The following NEK3 variants were observed in gnomAD, a reference collection of about 807,000 sequenced individuals.
NEK3 encodes the protein NIMA related kinase 3, also known as serine/threonine-protein kinase Nek3.
A neutral mutation model predicts 66.0 loss-of-function variants in NEK3; 54 were observed. The ratio of observed to expected loss-of-function variants is 0.82; its 90% CI spans 0.66 to 1.03. The LOEUF is 1.03. Ranked by LOEUF, NEK3 falls within the 50% of genes least tolerant of loss-of-function variation. The probability of loss-of-function intolerance (pLI) is 0.00; values close to 1 mark genes in which losing one functional copy is unlikely to be tolerated. For synonymous variants in NEK3, 200 were observed against 206.2 expected (o/e 0.97, Z 0.26); for missense variants, 593 against 603.0 (o/e 0.98, Z 0.17).
At chr13:52,155,451 G>C (rs1187555336) in intron 2 of NEK3, among the ~76,000 whole-genome samples, 2 of 151,956 alleles carry the variant, frequency 1.3e-5, no homozygotes, top group Non-Finnish European at 2.9e-5. Context: ...GAGTTGCTCT[G>C]GCAAAGATTT....
Position 52,133,673 on chromosome 13 carries a change from G to C in NEK3, c.1436+16C>G. On this transcript the variant is annotated intron_variant, in intron 15 of 15. Transcript: ENST00000610828. ...CCCAACCCCAGCTACAGCTTTCTAT[G>C]CATATCACAACGTACGTGTCCTCCT... 1.3e-6 allele frequency: 2 copies of C among 1,548,198 alleles called. No individual in the cohort carries two copies. Among genetic ancestry groups the C allele is most frequent in the Non-Finnish European group, 1.7e-6 (2 of 1,145,806 alleles).
intron 8 of NEK3, among the ~76,000 whole-genome samples, chr13:52,146,756 TCTAA>T (rs373726015): frequency 1.3e-5 from 2 of 152,214 alleles, no homozygotes; most frequent in Admixed American, 1.3e-4. Context: ...CCCAAGTTGT[TCTAA>T]CTGTGTAGCT....
chr13:52,149,553 C>CT (rs1450470549), intron 7 of NEK3, among the ~76,000 whole-genome samples: 1 of 152,108 alleles, frequency 6.6e-6, no homozygotes, highest in Non-Finnish European at 1.5e-5. Flanking sequence ...TCTCCCTCCT[C>CT]TATATCTATC....
intron 11 of NEK3, among the ~76,000 whole-genome samples, chr13:52,138,928 G>C (rs1021929890): frequency 2.6e-5 from 4 of 152,024 alleles, no homozygotes; most frequent in Non-Finnish European, 5.9e-5. Context: ...GAGAGAGAGA[G>C]AGAAGGAGAG....
At chr13:52,143,205 A>G (rs543965000) in intron 10 of NEK3, among the ~76,000 whole-genome samples, 1 of 152,196 alleles carries the variant, frequency 6.6e-6, no homozygotes, top group South Asian at 2.1e-4. Flanking sequence ...AATCCTAGCT[A>G]CTTGGGAGGC....
intron 11 of NEK3, among the ~76,000 whole-genome samples, 166 bp downstream of exon 11, chr13:52,140,854 C>T (rs1186660074): frequency 6.6e-6 from 1 of 151,156 alleles, no homozygotes; most frequent in Non-Finnish European, 1.5e-5. Flanking sequence ...TCGCTCTTGT[C>T]GCCCAGGCTG....
At chr13:52,150,841 G>A (rs1268128802) in intron 7 of NEK3, among the ~76,000 whole-genome samples, 2 of 152,140 alleles carry the variant, frequency 1.3e-5, no homozygotes, top group African/African-American at 2.4e-5. Context: ...TTATAAGTGG[G>A]AGCAACAGTT....
intron 6 of NEK3, 43 bp downstream of exon 6, chr13:52,151,282 G>T (rs759946885): frequency 6.3e-7 from 1 of 1,594,402 alleles, no homozygotes; most frequent in Admixed American, 1.8e-5. Flanking sequence ...CCTGAAAATT[G>T]ATGTTTTGAT....
intron 8 of NEK3, among the ~76,000 whole-genome samples, chr13:52,146,253 T>G (rs1027915475): frequency 6.6e-6 from 1 of 152,180 alleles, no homozygotes; most frequent in Non-Finnish European, 1.5e-5. Flanking sequence ...TTAAAAGAAG[T>G]TTATTTTTTA....
chr13:52,139,595 C>T (rs1374964092), intron 11 of NEK3, among the ~76,000 whole-genome samples: 1 of 152,026 alleles, frequency 6.6e-6, no homozygotes, highest in Non-Finnish European at 1.5e-5. Flanking sequence ...TATATTCTAC[C>T]ACCATAAAAA....
At position 52,133,066 on chromosome 13, in the gene NEK3, G is replaced by A. The variant is rs894538480; in HGVS notation, c.*76C>T. The A allele has an allele frequency of 8.8e-7, 1 of 1,132,986 alleles. No homozygotes were observed. 70.2% of individuals were successfully genotyped at this position (1,132,986 alleles called of 1,614,324 possible). A position where few individuals can be genotyped will look rare whatever the true frequency, so the allele number is the denominator to read the frequency against. ...TTCCAAAGGAAAATATACGTCGCAT[G>A]AACTCATGATCATCTCAGCATGAAC... On this transcript the variant is annotated 3_prime_UTR_variant, in exon 16 of 16. Transcript: ENST00000610828.
chr13:52,153,965 T>C lies in NEK3; in HGVS notation c.239A>G (p.Glu80Gly). 1.9e-6 allele frequency: 3 copies of C among 1,613,002 alleles called. No homozygotes were observed. In the East Asian group the frequency reaches 6.7e-5, roughly 36 times the overall value. The change falls in exon 4 of 16, where the codon GAA becomes GGA. Residue 80 changes from glutamate to glycine, a missense_variant. Transcript: ENST00000610828. ...CATTAGATCCCCTCCATCACAGTAT[T>C]CCATCACAATATACAAGTGTCCTTC... is the stretch of plus-strand genomic sequence containing the variant. ...EAEGHLYIVM[E>G]YCDGGDLMQK...
chr13:52,133,341 A>C, intron 15 of NEK3, 115 bp from the exon 16 acceptor site: 1 of 886,036 alleles, frequency 1.1e-6, no homozygotes, highest in Non-Finnish European at 1.7e-6. Flanking sequence ...ATTGAGTTCC[A>C]TAAGGCAACT....
intron 15 of NEK3, 123 bp from the exon 16 acceptor site, chr13:52,133,349 ACTG>A: frequency 2.5e-6 from 2 of 804,072 alleles, no homozygotes; most frequent in Admixed American, 2.8e-5. Context: ...CCATAAGGCA[ACTG>A]AAGGGAAAAA....
intron 11 of NEK3, among the ~76,000 whole-genome samples, chr13:52,140,038 T>TA (rs1225135916): frequency 6.7e-4 from 37 of 55,436 alleles, no homozygotes; most frequent in African/African-American, 1.7e-3. Flanking sequence ...CCCATCTCTT[T>TA]AAAAAAATGC....
intron 8 of NEK3, among the ~76,000 whole-genome samples, chr13:52,145,407 G>T (rs557992820): frequency 6.6e-6 from 1 of 152,206 alleles, no homozygotes; most frequent in African/African-American, 2.4e-5. Flanking sequence ...GGGCTCAAGC[G>T]ATCCTCCCAC....
Position 52,133,154 on chromosome 13 carries a change from C to G in NEK3, c.1509G>C (p.Leu503=), listed in dbSNP as rs373034141. 5.6e-6 allele frequency: 9 copies of G among 1,609,676 alleles called. No individual in the cohort carries two copies. In the African/African-American group the frequency reaches 9.3e-5, roughly 17 times the overall value. The change falls in exon 16 of 16, where the codon CTG becomes CTC. Residue 503 remains leucine, a synonymous_variant. Coordinates refer to ENST00000610828, the MANE Select transcript of NEK3 (RefSeq NM_002498.3). ...ELKKRAGWQG[L]CDR Reference sequence around the variant, plus strand: ...ATTTCCTCAGGCATTATCTGTCGCACAGGCCTTGCCATCCAGCTCGCTTCT... The same window carrying G: ...ATTTCCTCAGGCATTATCTGTCGCAGAGGCCTTGCCATCCAGCTCGCTTCT...
chr13:52,145,551 G>A (rs373283212), intron 8 of NEK3, among the ~76,000 whole-genome samples: 2 of 151,988 alleles, frequency 1.3e-5, no homozygotes, highest in East Asian at 3.9e-4. Context: ...GGGCTCAAAC[G>A]ATCCTCCCAC....
intron 10 of NEK3, among the ~76,000 whole-genome samples, chr13:52,142,325 G>C (rs933878421): frequency 2.7e-5 from 4 of 150,470 alleles, no homozygotes; most frequent in African/African-American, 9.8e-5. Context: ...TGCCCAGGCT[G>C]GAGTGCAGTG....
Sources: gnomAD v4.1 joint callset for allele counts (sites outside exome capture counted in the v4.1 genomes callset) on GRCh38, gnomAD v4.1.1 for gene constraint, MANE v1.5 for transcripts, NCBI Gene and HGNC (gene_info 2026-07-23, HGNC 2026-07-21) for gene names.